Variants in CXCL13 observed in about 807,000 individuals in gnomAD.
The protein encoded by CXCL13 is C-X-C motif chemokine ligand 13.
A neutral mutation model predicts 12.2 loss-of-function variants in CXCL13; 7 were observed. The ratio of observed to expected loss-of-function variants is 0.57; its 90% CI spans 0.33 to 1.07. The LOEUF (loss-of-function observed/expected upper bound fraction) is 1.07, where lower values mean the gene tolerates loss of function less well. Among genes scored for constraint, CXCL13 ranks in the 50% least tolerant of loss-of-function variants. CXCL13 has a pLI of 0.04. For missense variants in CXCL13, 113 were observed against 127.4 expected, an observed-to-expected ratio of 0.89 and a Z score of 0.55; for synonymous variants, 47 against 42.4, an observed-to-expected ratio of 1.11 and a Z score of -0.42.
At chr4:77,548,583 T>A (rs762422800) in intron 1 of CXCL13, among the ~76,000 whole-genome samples, 3 of 152,178 alleles carry the variant, frequency 2.0e-5, no homozygotes, top group Non-Finnish European at 4.4e-5. Context: ...AAAGTGACAG[T>A]GAATACAAGT....
At chr4:77,540,128 T>C (rs1194105986) in intron 1 of CXCL13, among the ~76,000 whole-genome samples, 3 of 152,232 alleles carry the variant, frequency 2.0e-5, no homozygotes, top group African/African-American at 4.8e-5. Flanking sequence ...TAACTTTATG[T>C]AATTTATATG....
rs146264754 is a variant in CXCL13, at chr4:77,523,672, G to A, written c.-43+11884G>A. On this transcript the variant is annotated intron_variant, in intron 1 of 4. Transcript: ENST00000286758. ...GGTTAGAACATGCTCCTTTAGCTTG[G>A]AGAAGTTTGTTATTACCGATTTCTG... Among the ~76,000 whole-genome samples, 160 of 152,258 alleles carry A rather than the reference G, an allele frequency of 1.1e-3. 2 individuals are homozygous for A. In the Middle Eastern group the frequency reaches 0.017, roughly 16 times the overall value.
chr4:77,546,688 C>T (rs1030042373), intron 1 of CXCL13, among the ~76,000 whole-genome samples: 2 of 152,056 alleles, frequency 1.3e-5, no homozygotes, highest in African/African-American at 4.8e-5. Flanking sequence ...TTCAAAAAAC[C>T]AGCTCCTGGA....
At chr4:77,515,060 G>A (rs1347076256) in intron 1 of CXCL13, among the ~76,000 whole-genome samples, 2 of 152,162 alleles carry the variant, frequency 1.3e-5, no homozygotes, top group African/African-American at 4.8e-5. Context: ...TTATTAAATA[G>A]GGAATCCTTT....
At chr4:77,587,272 C>A (rs1316977463) in intron 1 of CXCL13, among the ~76,000 whole-genome samples, 1 of 152,200 alleles carries the variant, frequency 6.6e-6, no homozygotes, top group Non-Finnish European at 1.5e-5. Flanking sequence ...TTTCTCCCCA[C>A]CACCATCCCC....
At chr4:77,585,022 G>C (rs1726419967) in intron 1 of CXCL13, among the ~76,000 whole-genome samples, 1 of 152,110 alleles carries the variant, frequency 6.6e-6, no homozygotes, top group African/African-American at 2.4e-5. Context: ...GCTCATGGCT[G>C]GCTGAGCACA....
chr4:77,515,595 T>G (rs1052630344), intron 1 of CXCL13, among the ~76,000 whole-genome samples: 26 of 152,176 alleles, frequency 1.7e-4, no homozygotes, highest in Admixed American at 1.4e-3. Flanking sequence ...CACTCATGAT[T>G]TGGCTCTCTG....
In CXCL13 at chr4:77,611,194, C is replaced by G. The variant is rs887413428; in HGVS notation, c.*155C>G. 2.6e-5 allele frequency: 16 copies of G among 625,114 alleles called. No homozygotes were observed. Among genetic ancestry groups the G allele is most frequent in the Non-Finnish European group, 4.2e-5 (15 of 358,550 alleles). 38.7% of individuals were successfully genotyped at this position (625,114 alleles called of 1,614,324 possible). A position where few individuals can be genotyped will look rare whatever the true frequency, so the allele number is the denominator to read the frequency against. On this transcript the variant is annotated 3_prime_UTR_variant, in exon 4 of 4. Coordinates refer to ENST00000682537, the MANE Select transcript of CXCL13 (RefSeq NM_001371558.1). ...AATAACCTTGCAGAAGCTGATGGGG[C>G]AAACTCAAGCTTCTTCACTCACAGC...
At chr4:77,529,065 G>A (rs867185421) in intron 1 of CXCL13, among the ~76,000 whole-genome samples, 2 of 152,074 alleles carry the variant, frequency 1.3e-5, no homozygotes, top group Non-Finnish European at 2.9e-5. Flanking sequence ...TTTTTGTCAG[G>A]TTTGTCAAAG....
At chr4:77,546,394 G>T (rs1402043226) in intron 1 of CXCL13, among the ~76,000 whole-genome samples, 1 of 152,112 alleles carries the variant, frequency 6.6e-6, no homozygotes, top group African/African-American at 2.4e-5. Flanking sequence ...TTTTTGGTTG[G>T]TAGGCTATTA....
chr4:77,599,885 C>T (rs28465432), intron 1 of CXCL13, among the ~76,000 whole-genome samples: 13,053 of 152,168 alleles, frequency 0.086, 810 homozygotes, highest in South Asian at 0.17. Context: ...GGAATAGTTT[C>T]TAGCAGTGAA....
In CXCL13 at chr4:77,605,887, C is replaced by T. The variant is rs1414481244; in HGVS notation, c.22C>T (p.Leu8=). The change falls in exon 1 of 4, where the codon CTG becomes TTG. Residue 8 remains leucine, a synonymous_variant. Coordinates refer to ENST00000682537, the MANE Select transcript of CXCL13 (RefSeq NM_001371558.1). ...CAGAATGAAGTTCATCTCGACATCT[C>T]TGCTTCTCATGCTGCTGGTCAGCAG... The part of the protein sequence containing the change: MKFISTS[L]LLMLLVSSLS... 6.2e-7 allele frequency: 1 copy of T among 1,607,434 alleles called. No homozygotes were observed. The highest frequency in any genetic ancestry group is 1.3e-5 in the African/African-American group (1 of 74,868).
intron 1 of CXCL13, among the ~76,000 whole-genome samples, chr4:77,563,976 C>G (rs968535583): frequency 6.6e-6 from 1 of 152,122 alleles, no homozygotes; most frequent in Non-Finnish European, 1.5e-5. Flanking sequence ...GGGCCAGTTT[C>G]GAGGGCATGT....
chr4:77,554,952 T>C (rs942878450), intron 1 of CXCL13, among the ~76,000 whole-genome samples: 1 of 151,946 alleles, frequency 6.6e-6, no homozygotes, highest in Non-Finnish European at 1.5e-5. Flanking sequence ...AATTTAGAGC[T>C]TTAAATGCTT....
rs1187183410 is a variant in CXCL13 at position 77,544,188 on chromosome 4, A to G, written c.-43+32400A>G. Among the ~76,000 whole-genome samples the G allele has an allele frequency of 2.0e-5, 3 of 152,200 alleles. No individual in the cohort carries two copies. In the East Asian group the frequency reaches 5.8e-4, roughly 29 times the overall value. ...TGGTTCCAAGTCTTTGCTATTGGGAATAGTGCCGCAATAAACGTATGTGTG... is the reference window on the plus strand; with the variant it reads ...TGGTTCCAAGTCTTTGCTATTGGGAGTAGTGCCGCAATAAACGTATGTGTG... On this transcript the variant is annotated intron_variant, in intron 1 of 4. Transcript: ENST00000286758.
chr4:77,538,423 CT>C (rs80263344), intron 1 of CXCL13, among the ~76,000 whole-genome samples: 44,738 of 123,972 alleles, frequency 0.36, 6,999 homozygotes, highest in South Asian at 0.45. Flanking sequence ...AATGTCTTGT[CT>C]TTTTTTTTTT....
At chr4:77,573,408 G>A (rs1037686469) in intron 1 of CXCL13, among the ~76,000 whole-genome samples, 1 of 127,052 alleles carries the variant, frequency 7.9e-6, no homozygotes, top group Non-Finnish European at 1.7e-5. Flanking sequence ...GTGTGTGTGT[G>A]TGTATGTCTA....
intron 1 of CXCL13, among the ~76,000 whole-genome samples, chr4:77,534,209 A>G (rs543712476): frequency 6.6e-6 from 1 of 151,908 alleles, no homozygotes; most frequent in Non-Finnish European, 1.5e-5. Context: ...AAAACAAAAG[A>G]CATGCAACTA....
At chr4:77,565,065 G>A (rs1364141123) in intron 1 of CXCL13, among the ~76,000 whole-genome samples, 1 of 152,136 alleles carries the variant, frequency 6.6e-6, no homozygotes, top group Non-Finnish European at 1.5e-5. Flanking sequence ...TGATCCCTTG[G>A]TTCAACTTTT....
Sources: allele counts gnomAD v4.1 joint callset (sites outside exome capture counted in the v4.1 genomes callset), GRCh38; gene constraint gnomAD v4.1.1; transcripts MANE v1.5; gene names NCBI Gene and HGNC (gene_info 2026-07-23, HGNC 2026-07-21).